ITPRIPL2: variants seen among roughly 807,000 people sequenced by gnomAD.
The protein encoded by ITPRIPL2 is inositol 1,4,5-trisphosphate receptor-interacting protein-like 2.
ITPRIPL2 carries 29 observed loss-of-function variants against 31.7 expected under a neutral mutation model. That is an observed-to-expected ratio of 0.91 (90% confidence interval 0.68 to 1.25). The LOEUF (loss-of-function observed/expected upper bound fraction) is 1.25. ITPRIPL2 is among the 50% of genes most tolerant of loss of function. ITPRIPL2 has a pLI of 0.00. For missense variants in ITPRIPL2, 696 were observed against 739.1 expected (o/e 0.94, Z 0.68); for synonymous variants, 344 against 343.4 (o/e 1.00, Z -0.02).
chr16:19,119,393 G>T lies in ITPRIPL2; in HGVS notation c.*3324G>T, dbSNP rs149741156. ...GCCTGTAGAAACAGGGGTGGGAGGT[G>T]GGGGGGAAGCTGTGCCCACCTTTAA... is the stretch of plus-strand genomic sequence containing the variant. On this transcript the variant is annotated 3_prime_UTR_variant, in exon 1 of 1. Transcript: ENST00000381440. 61 of 236,136 alleles carry T rather than the reference G, an allele frequency of 2.6e-4. No homozygotes were observed. The highest frequency in any genetic ancestry group is 8.7e-5 in the Non-Finnish European group (10 of 114,288). The allele number at this position is 236,136 out of a possible 1,614,324, so 14.6% of individuals were successfully genotyped here.
chr16:19,114,128 G>A lies in ITPRIPL2; in HGVS notation c.-334G>A. On this transcript the variant is annotated 5_prime_UTR_variant, in exon 1 of 1. Transcript: ENST00000381440. ...AGAGCCAGGAGGGCCGCCCAGGGTA[G>A]GAGGCGAGCCAGGCCGGGCCAGAAG... 1 of 391,266 alleles carries A rather than the reference G, an allele frequency of 2.6e-6. No homozygotes were observed. Among genetic ancestry groups the A allele is most frequent in the African/African-American group, 2.1e-5 (1 of 48,400 alleles). The allele number at this position is 391,266 out of a possible 1,614,324, so 24.2% of individuals were successfully genotyped here.
chr16:19,114,412 C>A lies in ITPRIPL2; in HGVS notation c.-50C>A. The A allele has an allele frequency of 3.1e-6, 4 of 1,287,872 alleles. No homozygotes were observed. Among genetic ancestry groups the A allele is most frequent in the Non-Finnish European group, 3.9e-6 (4 of 1,016,160 alleles). The allele number at this position is 1,287,872 out of a possible 1,614,324, so 79.8% of individuals were successfully genotyped here. On this transcript the variant is annotated 5_prime_UTR_variant, in exon 1 of 1. Coordinates refer to ENST00000381440, the MANE Select transcript of ITPRIPL2 (RefSeq NM_001034841.4). ...GCGCATGCTGGGCTTGGGTCGCCGC[C>A]GGGGCTTGCCCCCTGGGCTGCTCGG...
chr16:19,116,268 G>C lies in ITPRIPL2; in HGVS notation c.*199G>C. The C allele has an allele frequency of 1.7e-6, 1 of 578,030 alleles. No homozygotes were observed. Among genetic ancestry groups the C allele is most frequent in the South Asian group, 2.7e-5 (1 of 37,210 alleles). The allele number at this position is 578,030 out of a possible 1,614,324, so 35.8% of individuals were successfully genotyped here. Reference sequence around the variant, plus strand: ...TAATATGACATCTTCACACCCACTAGAGTGTCCTGGGCAAACCATGGGAAG... The same window carrying C: ...TAATATGACATCTTCACACCCACTACAGTGTCCTGGGCAAACCATGGGAAG... On this transcript the variant is annotated 3_prime_UTR_variant, in exon 1 of 1. Transcript: ENST00000381440.
rs1963435501 is a variant in ITPRIPL2 at position 19,115,807 on chromosome 16, A to G, written c.1346A>G (p.His449Arg). ...QFLRDCLLRRHTLFHCVLGPG... is the reference protein window; with the variant it reads ...QFLRDCLLRRRTLFHCVLGPG... ...CTTAGGGACTGCCTGCTGCGACGCCATACGCTCTTCCACTGCGTCCTGGGC... is the reference window on the plus strand; with the variant it reads ...CTTAGGGACTGCCTGCTGCGACGCCGTACGCTCTTCCACTGCGTCCTGGGC... The change falls in exon 1 of 1, where the codon CAT becomes CGT. Residue 449 changes from histidine to arginine, a missense_variant. Coordinates refer to ENST00000381440, the MANE Select transcript of ITPRIPL2 (RefSeq NM_001034841.4). The G allele has an allele frequency of 1.9e-6, 3 of 1,612,862 alleles. No individual in the cohort carries two copies. Among genetic ancestry groups the G allele is most frequent in the Non-Finnish European group, 2.5e-6 (3 of 1,179,918 alleles).
In ITPRIPL2 at chr16:19,119,139, C is replaced by T. The variant is rs544188136; in HGVS notation, c.*3070C>T. 45 of 413,152 alleles carry T rather than the reference C, an allele frequency of 1.1e-4. No individual in the cohort carries two copies. The East Asian group carries it at 1.5e-3, about 14-fold the overall frequency. The allele number at this position is 413,152 out of a possible 1,614,324, so 25.6% of individuals were successfully genotyped here. A position where few individuals can be genotyped will look rare whatever the true frequency, so the allele number is the denominator to read the frequency against. ...GTCTTGGGAGCCTTCCTGGAATGAT[C>T]GTGGGCTGAGCGGAGATGTTTTTTG... On this transcript the variant is annotated 3_prime_UTR_variant, in exon 1 of 1. Transcript: ENST00000381440.
chr16:19,120,492 G>A lies in ITPRIPL2; in HGVS notation c.*4423G>A, dbSNP rs1249594759. The A allele has an allele frequency of 1.4e-5, 2 of 144,944 alleles. No individual in the cohort carries two copies. Among genetic ancestry groups the A allele is most frequent in the Admixed American group, 7.0e-5 (1 of 14,364 alleles). The allele number at this position is 144,944 out of a possible 1,614,324, so 9.0% of individuals were successfully genotyped here. On this transcript the variant is annotated 3_prime_UTR_variant, in exon 1 of 1. Transcript: ENST00000381440. ...GCTCTTGTTTTACAGGCTGGGGTGC[G>A]GTGGGATGATCTTGGCTCACTGCAA... is the stretch of plus-strand genomic sequence containing the variant.
rs1351833201 is a variant in ITPRIPL2, at chr16:19,115,540, G to A, written c.1079G>A (p.Ser360Asn). Residue 360 changes from serine (S) to asparagine (N), a missense_variant, in exon 1 of 1, where the codon AGT (serine) becomes AAT (asparagine). Transcript: ENST00000381440. ...NTARQEQKLLSWLQERAAPGA... is the reference protein window; with the variant it reads ...NTARQEQKLLNWLQERAAPGA... ...GCACGCCAGGAGCAGAAGCTGCTGAGTTGGCTGCAGGAACGGGCAGCTCCA... is the reference window on the plus strand; with the variant it reads ...GCACGCCAGGAGCAGAAGCTGCTGAATTGGCTGCAGGAACGGGCAGCTCCA... The A allele has an allele frequency of 6.2e-7, 1 of 1,602,882 alleles. No homozygotes were observed. The highest frequency in any genetic ancestry group is 1.1e-5 in the South Asian group (1 of 90,844).
rs781032147 is a variant in ITPRIPL2, at chr16:19,116,017, GC to G, written c.1562del (p.Pro521HisfsTer18). On this transcript the variant is annotated frameshift_variant, in exon 1 of 1. Transcript: ENST00000381440. LOFTEE classifies it high-confidence loss of function. ...AYGGPRYLAR[C>X]PPPRSQRTQG... ...GGGGGTCCCCGCTACCTTGCCAGGT[GC>G]CCCCCACCCCGGAGTCAGCGCACCC... 2 of 1,609,882 alleles carry G rather than the reference GC, an allele frequency of 1.2e-6. No homozygotes were observed. Among genetic ancestry groups the G allele is most frequent in the Non-Finnish European group, 1.7e-6 (2 of 1,177,470 alleles).
rs57410837 is a variant in ITPRIPL2, at chr16:19,120,437, C to CT, written c.*4383dup. 16,393 of 130,594 alleles carry CT rather than the reference C, an allele frequency of 0.13. 2,478 individuals carry two copies. Among genetic ancestry groups the CT allele is most frequent in the African/African-American group, 0.36 (12,095 of 33,390 alleles). 8.1% of individuals were successfully genotyped at this position (130,594 alleles called of 1,614,324 possible). A position where few individuals can be genotyped will look rare whatever the true frequency, so the allele number is the denominator to read the frequency against. ...CTGAATGTTTCTATCATTTTCTTTT[C>CT]TTTTTTTTTTTTTTTCGAGACAGAG... is the stretch of plus-strand genomic sequence containing the variant. On this transcript the variant is annotated 3_prime_UTR_variant, in exon 1 of 1. Coordinates refer to ENST00000381440, the MANE Select transcript of ITPRIPL2 (RefSeq NM_001034841.4).
At position 19,116,626 on chromosome 16, in the gene ITPRIPL2, ATTAAT is replaced by A. The variant is rs1458774813; in HGVS notation, c.*558_*562del. 6.0e-6 allele frequency: 1 copy of A among 167,250 alleles called. No individual in the cohort carries two copies. Among genetic ancestry groups the A allele is most frequent in the Non-Finnish European group, 1.5e-5 (1 of 68,218 alleles). 10.4% of individuals were successfully genotyped at this position (167,250 alleles called of 1,614,324 possible). A position where few individuals can be genotyped will look rare whatever the true frequency, so the allele number is the denominator to read the frequency against. Reference sequence around the variant, plus strand: ...CATAATTTCCACTGTTCAAATTAATATTAATGTATTTTTAAAATGGTGCAATCACA... The same window carrying A: ...CATAATTTCCACTGTTCAAATTAATAGTATTTTTAAAATGGTGCAATCACA... On this transcript the variant is annotated 3_prime_UTR_variant, in exon 1 of 1. Coordinates refer to ENST00000381440, the MANE Select transcript of ITPRIPL2 (RefSeq NM_001034841.4).
rs772340024 is a variant in ITPRIPL2 at position 19,115,926 on chromosome 16, C to A, written c.1465C>A (p.Arg489=). 1 of 1,612,384 alleles carries A rather than the reference C, an allele frequency of 6.2e-7. No homozygotes were observed. The highest frequency in any genetic ancestry group is 8.5e-7 in the Non-Finnish European group (1 of 1,179,768). The change falls in exon 1 of 1, where the codon CGG becomes AGG. Residue 489 remains arginine (R), a synonymous_variant. Transcript: ENST00000381440. ...DLLAAFDGHA[R]ELAAARLLST... Reference sequence around the variant, plus strand: ...CCTGGCCGCTTTCGACGGGCACGCCCGGGAACTTGCAGCAGCGCGGTTGCT... The same window carrying A: ...CCTGGCCGCTTTCGACGGGCACGCCAGGGAACTTGCAGCAGCGCGGTTGCT...
Position 19,116,065 on chromosome 16 carries a change from C to G in ITPRIPL2, c.1604C>G (p.Pro535Arg), listed in dbSNP as rs1456466065. 6.3e-7 allele frequency: 1 copy of G among 1,576,378 alleles called. No homozygotes were observed. The highest frequency in any genetic ancestry group is 2.3e-5 in the East Asian group (1 of 44,328). Residue 535 changes from proline to arginine, a missense_variant, in exon 1 of 1, where the codon CCG becomes CGG. By Grantham distance (103) the Pro-to-Arg change is moderately radical. Coordinates refer to ENST00000381440, the MANE Select transcript of ITPRIPL2 (RefSeq NM_001034841.4). ...ACCCAGGGCTTCCTTGAAGGTGAAC[C>G]GTAAACCCTGACAGCACCCCCACCT... ...QRTQGFLEGE[P>R]
chr16:19,114,648 C>G lies in ITPRIPL2; in HGVS notation c.187C>G (p.Leu63Val). Residue 63 changes from leucine (L) to valine (V), a missense_variant, in exon 1 of 1, where the codon CTC becomes GTC. By Grantham distance (32) the Leu-to-Val change is conservative. Transcript: ENST00000381440. ...VAVLLLLSYVLLRCRHAVRQR... is the reference protein window; with the variant it reads ...VAVLLLLSYVVLRCRHAVRQR... ...CGTCCTGCTCCTCCTCAGCTATGTC[C>G]TCCTGCGCTGTCGCCACGCTGTCCG... 6.2e-7 allele frequency: 1 copy of G among 1,607,720 alleles called. No individual in the cohort carries two copies. The highest frequency in any genetic ancestry group is 8.5e-7 in the Non-Finnish European group (1 of 1,177,758).
At position 19,115,369 on chromosome 16, in the gene ITPRIPL2, T is replaced by A. The variant is rs761295190; in HGVS notation, c.908T>A (p.Leu303His). 4.3e-6 allele frequency: 7 copies of A among 1,613,238 alleles called. No individual in the cohort carries two copies. The highest frequency in any genetic ancestry group is 1.3e-5 in the African/African-American group (1 of 75,070). ...CGCACTGACTACGGCTGCTGCCGCC[T>A]TTCTATGGCTGTGCGTCTCATCCCC... The part of the protein sequence containing the change: ...PCRTDYGCCR[L>H]SMAVRLIPAV... The change falls in exon 1 of 1, where the codon CTT becomes CAT. Residue 303 changes from leucine to histidine, a missense_variant. Coordinates refer to ENST00000381440, the MANE Select transcript of ITPRIPL2 (RefSeq NM_001034841.4).
Position 19,115,676 on chromosome 16 carries a change from T to C in ITPRIPL2, c.1215T>C (p.Tyr405=), listed in dbSNP as rs376874916. ...ATQWGRILSS[Y]VLKTVLLAVL... is the part of the protein sequence containing the mutation. ...AGTGGGGACGCATCCTATCCTCATA[T>C]GTGCTCAAGACAGTGCTGCTGGCAG... The change falls in exon 1 of 1, where the codon TAT becomes TAC. Residue 405 remains tyrosine, a synonymous_variant. Coordinates refer to ENST00000381440, the MANE Select transcript of ITPRIPL2 (RefSeq NM_001034841.4). The C allele has an allele frequency of 3.1e-6, 5 of 1,612,486 alleles. No individual in the cohort carries two copies. In the African/African-American group the frequency reaches 6.7e-5, roughly 22 times the overall value.
chr16:19,115,345 G>A lies in ITPRIPL2; in HGVS notation c.884G>A (p.Arg295His). The A allele has an allele frequency of 3.1e-6, 5 of 1,613,532 alleles. No individual in the cohort carries two copies. The highest frequency in any genetic ancestry group is 3.4e-6 in the Non-Finnish European group (4 of 1,179,994). The change falls in exon 1 of 1, where the codon CGC becomes CAC. Residue 295 changes from arginine to histidine, a missense_variant. Coordinates refer to ENST00000381440, the MANE Select transcript of ITPRIPL2 (RefSeq NM_001034841.4). The stretch of plus-strand genomic sequence containing the variant: ...CCCACCTTACACATCTTGCCCTGCC[G>A]CACTGACTACGGCTGCTGCCGCCTT... ...QPPTLHILPCRTDYGCCRLSM... is the reference protein window; with the variant it reads ...QPPTLHILPCHTDYGCCRLSM...
At position 19,115,460 on chromosome 16, in the gene ITPRIPL2, C is replaced by T. The variant is rs756063785; in HGVS notation, c.999C>T (p.Pro333=). The T allele has an allele frequency of 4.5e-5, 73 of 1,608,828 alleles. No homozygotes were observed. The South Asian group carries it at 7.7e-4, about 17-fold the overall frequency. Residue 333 remains proline, a synonymous_variant, in exon 1 of 1, where the codon CCC becomes CCT. Coordinates refer to ENST00000381440, the MANE Select transcript of ITPRIPL2 (RefSeq NM_001034841.4). Reference sequence around the variant, plus strand: ...CACCGCCACCCTTGCCCAGCGCGCCCCTGTTGGAGCTCCCTGAGGGCCTGC... The same window carrying T: ...CACCGCCACCCTTGCCCAGCGCGCCTCTGTTGGAGCTCCCTGAGGGCCTGC... ...APPPPPLPSA[P]LLELPEGLRA...
At position 19,119,857 on chromosome 16, in the gene ITPRIPL2, C is replaced by T. The variant is rs886292064; in HGVS notation, c.*3788C>T. 6.0e-6 allele frequency: 1 copy of T among 167,040 alleles called. No individual in the cohort carries two copies. Among genetic ancestry groups the T allele is most frequent in the Non-Finnish European group, 1.5e-5 (1 of 68,114 alleles). The allele number at this position is 167,040 out of a possible 1,614,324, so 10.3% of individuals were successfully genotyped here. ...CACTTAGGGCCAGTTTTTGGCATTTCCTTCCTGGTGATTTGGGGTAAACTT... is the reference window on the plus strand; with the variant it reads ...CACTTAGGGCCAGTTTTTGGCATTTTCTTCCTGGTGATTTGGGGTAAACTT... On this transcript the variant is annotated 3_prime_UTR_variant, in exon 1 of 1. Coordinates refer to ENST00000381440, the MANE Select transcript of ITPRIPL2 (RefSeq NM_001034841.4).
rs1963456326 is a variant in ITPRIPL2 at position 19,117,267 on chromosome 16, C to G, written c.*1198C>G. ...GGCAGTCTTACGTGGTCCAAGAGACCTGTTGATTCAGCACAGGTCTTGCAA... is the reference window on the plus strand; with the variant it reads ...GGCAGTCTTACGTGGTCCAAGAGACGTGTTGATTCAGCACAGGTCTTGCAA... On this transcript the variant is annotated 3_prime_UTR_variant, in exon 1 of 1. Transcript: ENST00000381440. 6.0e-6 allele frequency: 1 copy of G among 167,112 alleles called. No homozygotes were observed. Among genetic ancestry groups the G allele is most frequent in the African/African-American group, 2.4e-5 (1 of 41,448 alleles). 10.4% of individuals were successfully genotyped at this position (167,112 alleles called of 1,614,324 possible).
Sources: allele counts gnomAD v4.1 joint callset, GRCh38; gene constraint gnomAD v4.1.1; transcripts MANE v1.5; gene names NCBI Gene and HGNC (gene_info 2026-07-23, HGNC 2026-07-21).